SCN1B: variants seen among roughly 807,000 people sequenced by gnomAD.
SCN1B encodes the protein sodium channel regulatory subunit beta-1.
A neutral mutation model predicts 25.7 loss-of-function variants in SCN1B; 11 were observed. The ratio of observed to expected loss-of-function variants is 0.43; its 90% CI spans 0.27 to 0.71. The LOEUF is 0.71. SCN1B is among the 30% of genes least tolerant of loss of function. The pLI is 0.21. For synonymous variants in SCN1B, 119 were observed against 117.5 expected, an observed-to-expected ratio of 1.01 and a Z score of -0.08; for missense variants, 224 against 291.5, an observed-to-expected ratio of 0.77 and a Z score of 1.69.
intron 3 of SCN1B, chr19:35,034,297 C>T: frequency 1.1e-6 from 1 of 903,436 alleles, no homozygotes; most frequent in Non-Finnish European, 1.6e-6. Flanking sequence ...CACTCCTGCC[C>T]CGGGGGAGCC....
At position 35,030,792 on chromosome 19, in the gene SCN1B, G is replaced by A; in HGVS notation, c.-29G>A. On this transcript the variant is annotated 5_prime_UTR_variant, in exon 1 of 6. Transcript: ENST00000262631. The stretch of plus-strand genomic sequence containing the variant: ...CCCGCTATTAATACCGGCGGCCCGG[G>A]AGGGGGGCGCAGCACGCGCCGCGCA... 1.0e-6 allele frequency: 1 copy of A among 1,004,264 alleles called. No individual in the cohort carries two copies. The highest frequency in any genetic ancestry group is 1.3e-6 in the Non-Finnish European group (1 of 772,700). The allele number at this position is 1,004,264 out of a possible 1,614,324, so 62.2% of individuals were successfully genotyped here.
chr19:35,039,956 C>T lies in SCN1B; in HGVS notation c.*165C>T. ...AGGGGGCAGGGGGCTTGGCTCGCAC[C>T]CCCACTTTCGCCTCCTCCAGCTCCT... On this transcript the variant is annotated 3_prime_UTR_variant, in exon 6 of 6. Coordinates refer to ENST00000262631, the MANE Select transcript of SCN1B (RefSeq NM_001037.5). 7.0e-6 allele frequency: 4 copies of T among 572,414 alleles called. No individual in the cohort carries two copies. The South Asian group carries it at 8.0e-5, about 11-fold the overall frequency. The allele number at this position is 572,414 out of a possible 1,614,324, so 35.5% of individuals were successfully genotyped here. A position where few individuals can be genotyped will look rare whatever the true frequency, so the allele number is the denominator to read the frequency against.
Position 35,039,712 on chromosome 19 carries a change from G to A in SCN1B, c.*5+6G>A. 1 of 1,614,064 alleles carries A rather than the reference G, an allele frequency of 6.2e-7. No individual in the cohort carries two copies. Among genetic ancestry groups the A allele is most frequent in the Non-Finnish European group, 8.5e-7 (1 of 1,179,900 alleles). ...CAGGTGGCCGAATAGCCCTGGTAAG[G>A]CGGATGGGCTGGCAGAGGGGAAGGG... On this transcript the variant is annotated splice_donor_region_variant and intron_variant, in intron 5 of 5. Coordinates refer to ENST00000262631, the MANE Select transcript of SCN1B (RefSeq NM_001037.5).
rs1172123355 is a variant in SCN1B, at chr19:35,030,491, C to G, written c.-330C>G. The G allele has an allele frequency of 1.2e-5, 2 of 167,196 alleles. No individual in the cohort carries two copies. Among genetic ancestry groups the G allele is most frequent in the African/African-American group, 2.4e-5 (1 of 41,352 alleles). 10.4% of individuals were successfully genotyped at this position (167,196 alleles called of 1,614,324 possible). ...CTGCAGTGCGCAGGAGACCGCGGTC[C>G]GCGCCCGAGCGCGCCCGAGCCGGAG... is the stretch of plus-strand genomic sequence containing the variant. On this transcript the variant is annotated 5_prime_UTR_variant, in exon 1 of 6. Coordinates refer to ENST00000262631, the MANE Select transcript of SCN1B (RefSeq NM_001037.5).
At chr19:35,035,123 T>G (rs1461802784) in intron 3 of SCN1B, 1 of 152,168 alleles carries the variant, frequency 6.6e-6, no homozygotes. Flanking sequence ...AAACCTGTGT[T>G]ATTGCTCTTG....
Position 35,040,018 on chromosome 19 carries a change from A to G in SCN1B, c.*227A>G. 4.4e-6 allele frequency: 2 copies of G among 449,866 alleles called. No homozygotes were observed. The highest frequency in any genetic ancestry group is 2.3e-5 in the South Asian group (1 of 44,166). The allele number at this position is 449,866 out of a possible 1,614,324, so 27.9% of individuals were successfully genotyped here. On this transcript the variant is annotated 3_prime_UTR_variant, in exon 6 of 6. Coordinates refer to ENST00000262631, the MANE Select transcript of SCN1B (RefSeq NM_001037.5). ...CGCGCACCGCCATGCATGATGGGTAAAGCAATACTGCCGCTGCCCCCACCC... is the reference window on the plus strand; with the variant it reads ...CGCGCACCGCCATGCATGATGGGTAGAGCAATACTGCCGCTGCCCCCACCC...
chr19:35,033,816 C>T lies in SCN1B; in HGVS notation c.448+77C>T, dbSNP rs2064230789. Reference sequence around the variant, plus strand: ...GGAGGGACAGATGGCAGGCAGTGGACAGGACAGGCTGGCTCTGTGCCTGGC... The same window carrying T: ...GGAGGGACAGATGGCAGGCAGTGGATAGGACAGGCTGGCTCTGTGCCTGGC... On this transcript the variant is annotated intron_variant, in intron 3 of 5. Transcript: ENST00000262631. 6.2e-7 allele frequency: 1 copy of T among 1,613,226 alleles called. No homozygotes were observed. The highest frequency in any genetic ancestry group is 1.7e-5 in the Admixed American group (1 of 60,002).
At chr19:35,038,979 T>G (rs527581305) in intron 3 of SCN1B, 138 bp from the exon 4 acceptor site, 1 of 1,023,534 alleles carries the variant, frequency 9.8e-7, no homozygotes, top group African/African-American at 1.6e-5. Context: ...TACCCAAGGC[T>G]GGGTATTAAT....
Position 35,032,518 on chromosome 19 carries a change from G to T in SCN1B, c.41-10G>T. On this transcript the variant is annotated splice_polypyrimidine_tract_variant and intron_variant, in intron 1 of 5. Coordinates refer to ENST00000262631, the MANE Select transcript of SCN1B (RefSeq NM_001037.5). The surrounding 1 kb of genome is among the most constrained non-coding windows in gnomAD (Gnocchi z 4.3). ...TGCCTCTGCCTGACCTGAGCCTGCT[G>T]TCCCCACAGTGTCCTCAGCCTGCGG... 1.2e-6 allele frequency: 2 copies of T among 1,613,428 alleles called. No homozygotes were observed. The highest frequency in any genetic ancestry group is 1.7e-6 in the Non-Finnish European group (2 of 1,180,042).
chr19:35,039,088 A>G (rs749855417), intron 3 of SCN1B, 29 bp from the exon 4 acceptor site: 7 of 1,613,724 alleles, frequency 4.3e-6, no homozygotes, highest in Non-Finnish European at 5.9e-6. Flanking sequence ...AGCCTGGGCT[A>G]CCCCCTTAAC....
Position 35,039,922 on chromosome 19 carries a change from T to A in SCN1B, c.*131T>A. The A allele has an allele frequency of 1.7e-6, 1 of 593,668 alleles. No individual in the cohort carries two copies. The highest frequency in any genetic ancestry group is 3.0e-6 in the Non-Finnish European group (1 of 334,584). The allele number at this position is 593,668 out of a possible 1,614,324, so 36.8% of individuals were successfully genotyped here. A position where few individuals can be genotyped will look rare whatever the true frequency, so the allele number is the denominator to read the frequency against. ...CTCAGAGTCCTGCCGACGGAGCCAC[T>A]GGGGTGGGAGGGGGCAGGGGGCTTG... On this transcript the variant is annotated 3_prime_UTR_variant, in exon 6 of 6. Coordinates refer to ENST00000262631, the MANE Select transcript of SCN1B (RefSeq NM_001037.5).
At chr19:35,031,741 G>C (rs2064215388) in intron 1 of SCN1B, 1 of 153,116 alleles carries the variant, frequency 6.5e-6, no homozygotes, top group Admixed American at 6.5e-5. Context: ...GAGACACAGC[G>C]TTAGCTACAG....
intron 3 of SCN1B, chr19:35,034,555 C>T (rs1017897756): frequency 5.5e-6 from 1 of 181,152 alleles, no homozygotes; most frequent in African/African-American, 2.4e-5. Context: ...GCCCTGTGGC[C>T]ACTGGCTTAG....
chr19:35,034,399 C>T (rs991312626), intron 3 of SCN1B: 4 of 435,280 alleles, frequency 9.2e-6, no homozygotes, highest in South Asian at 7.7e-5. Context: ...GCCACAGGTG[C>T]GGGGCCCACC....
In SCN1B at chr19:35,034,114, T is replaced by C; in HGVS notation, c.448+375T>C. The C allele has an allele frequency of 1.3e-6, 2 of 1,551,552 alleles. No homozygotes were observed. Among genetic ancestry groups the C allele is most frequent in the Non-Finnish European group, 8.7e-7 (1 of 1,146,938 alleles). ...TGTGGTTTGAGCCATTCTTCCATCA[T>C]GGGGTTCATGAGGATTGAGCAGCTG... is the stretch of plus-strand genomic sequence containing the variant. On this transcript the variant is annotated intron_variant, in intron 3 of 5. Coordinates refer to ENST00000262631, the MANE Select transcript of SCN1B (RefSeq NM_001037.5).
At chr19:35,033,881 G>A in intron 3 of SCN1B, 142 bp downstream of exon 3, 1 of 1,602,042 alleles carries the variant, frequency 6.2e-7, no homozygotes, top group Non-Finnish European at 8.5e-7. Context: ...GGGGAGGGGA[G>A]CAGCCCCTCC....
At chr19:35,036,226 C>T (rs146733329) in intron 3 of SCN1B, 5 of 152,092 alleles carry the variant, frequency 3.3e-5, no homozygotes, top group African/African-American at 1.2e-4. Flanking sequence ...CCCACCATGG[C>T]GGGTATTTTT....
chr19:35,039,091 C>A (rs1376893777), intron 3 of SCN1B, 26 bp from the exon 4 acceptor site: 1 of 1,613,792 alleles, frequency 6.2e-7, no homozygotes, highest in Non-Finnish European at 8.5e-7. Flanking sequence ...CTGGGCTACC[C>A]CCTTAACCCT....
At position 35,040,192 on chromosome 19, in the gene SCN1B, G is replaced by A. The variant is rs72550268; in HGVS notation, c.*401G>A. On this transcript the variant is annotated 3_prime_UTR_variant, in exon 6 of 6. Transcript: ENST00000262631. ...CCGCCTCCTCCCTGCCTGGCGGCAG[G>A]GGTCGCGATGATGGGCTGGAGCAGT... 1,234 of 180,396 alleles carry A rather than the reference G, an allele frequency of 6.8e-3. 33 individuals carry two copies. Among genetic ancestry groups the A allele is most frequent in the South Asian group, 0.052 (466 of 8,882 alleles). 11.2% of individuals were successfully genotyped at this position (180,396 alleles called of 1,614,324 possible). A position where few individuals can be genotyped will look rare whatever the true frequency, so the allele number is the denominator to read the frequency against.
Sources: gnomAD v4.1 joint callset for allele counts on GRCh38, gnomAD v4.1.1 for gene constraint, Gnocchi (gnomAD v3.1) non-coding constraint, MANE v1.5 for transcripts, NCBI Gene and HGNC (gene_info 2026-07-23, HGNC 2026-07-21) for gene names.